The following XDH variants were observed in gnomAD, a reference collection of about 807,000 sequenced individuals.
XDH encodes the protein xanthine dehydrogenase.
Under a neutral mutation model 156.1 loss-of-function variants are expected in XDH, and 138 were observed. The ratio of observed to expected loss-of-function variants is 0.88; its 90% CI spans 0.77 to 1.02. XDH has a LOEUF of 1.02. XDH is among the 50% of genes least tolerant of loss of function. XDH has a pLI of 0.00. For synonymous variants in XDH, 669 were observed against 625.7 expected (o/e 1.07, Z -1.03); for missense variants, 1,849 against 1,684.9 (o/e 1.10, Z -1.71).
intron 4 of XDH, among the ~76,000 whole-genome samples, chr2:31,399,138 T>C (rs933552427): frequency 6.6e-6 from 1 of 152,154 alleles, no homozygotes; most frequent in Non-Finnish European, 1.5e-5. Flanking sequence ...TCTTGAGCAA[T>C]TGGGTGGATG....
intron 24 of XDH, among the ~76,000 whole-genome samples, chr2:31,353,062 G>A (rs184231966): frequency 2.8e-4 from 41 of 148,232 alleles, no homozygotes; most frequent in African/African-American, 9.7e-4. Context: ...CTATACATAC[G>A]TAACTACTAT....
At chr2:31,386,595 C>T (rs746733133) in intron 8 of XDH, 40 bp from the exon 9 acceptor site, 27 of 1,613,472 alleles carry the variant, frequency 1.7e-5, no homozygotes, top group Non-Finnish European at 1.7e-6. Flanking sequence ...TCTCCCTCTT[C>T]CTACTGTCAT....
At chr2:31,381,529 TG>T in intron 12 of XDH, 103 bp downstream of exon 12, 1 of 1,144,566 alleles carries the variant, frequency 8.7e-7, no homozygotes, top group Non-Finnish European at 1.3e-6. Context: ...CAGGGAAAGC[TG>T]GGTCACTGAA....
chr2:31,375,019 CTTTCTT>C lies in XDH; in HGVS notation c.1602+355_1602+360del, dbSNP rs1467817371. 9.6e-3 allele frequency among the ~76,000 whole-genome samples: 973 copies of C among 101,028 alleles called. 8 individuals carry two copies. Among genetic ancestry groups the C allele is most frequent in the African/African-American group, 0.046 (930 of 20,366 alleles). The allele number at this position is 101,028 out of a possible 152,430, so 66.3% of individuals were successfully genotyped here. A position where few individuals can be genotyped will look rare whatever the true frequency, so the allele number is the denominator to read the frequency against. On this transcript the variant is annotated intron_variant, in intron 15 of 35. Transcript: ENST00000379416. ...CCTTTCTTTCTTTCTTTCTTTCTTT[CTTTCTT>C]TTTTTTTTTTTTTTTTTGAGACAGA... is the stretch of plus-strand genomic sequence containing the variant.
intron 1 of XDH, among the ~76,000 whole-genome samples, chr2:31,408,321 A>C (rs768429900): frequency 2.6e-5 from 4 of 152,202 alleles, no homozygotes; most frequent in Non-Finnish European, 5.9e-5. Flanking sequence ...TCCAGCCACA[A>C]GTGGATTGCT....
rs1684935041 is a variant in XDH at position 31,334,922 on chromosome 2, T to C, written c.*1036A>G. ...TCTTGCTCAGTCGCTCAGGCAGGAGTGCAGTGGCGCAATCATAGCTCACTG... is the reference window on the plus strand; with the variant it reads ...TCTTGCTCAGTCGCTCAGGCAGGAGCGCAGTGGCGCAATCATAGCTCACTG... On this transcript the variant is annotated 3_prime_UTR_variant, in exon 36 of 36. Transcript: ENST00000379416. 1.3e-5 allele frequency: 2 copies of C among 152,082 alleles called. No individual in the cohort carries two copies. Among genetic ancestry groups the C allele is most frequent in the South Asian group, 2.1e-4 (1 of 4,816 alleles). The allele number at this position is 152,082 out of a possible 1,614,324, so 9.4% of individuals were successfully genotyped here.
intron 12 of XDH, among the ~76,000 whole-genome samples, chr2:31,380,426 T>C (rs1387724382): frequency 2.6e-5 from 4 of 152,170 alleles, no homozygotes; most frequent in African/African-American, 7.2e-5. Context: ...TGCGCCTAAA[T>C]TATCTGTACA....
At position 31,386,545 on chromosome 2, in the gene XDH, T is replaced by C. The variant is rs774465480; in HGVS notation, c.662A>G (p.Asp221Gly). The C allele has an allele frequency of 1.3e-5, 21 of 1,614,050 alleles. No individual in the cohort carries two copies. In the East Asian group the frequency reaches 4.7e-4, roughly 36 times the overall value. ...IFPPELLRLK[D>G]TPRKQLRFEG... ...AAATCGCAGCTGCTTCCGAGGAGTG[T>C]CTTTCAGCCTCTGGGAAATGCAGTT... is the stretch of plus-strand genomic sequence containing the variant. Residue 221 changes from aspartate to glycine, a missense_variant, in exon 9 of 36, where the codon GAC becomes GGC. Asp to Gly is a moderately conservative substitution (Grantham distance 94, BLOSUM62 -1). Transcript: ENST00000379416.
chr2:31,388,391 C>G (rs1400858595), intron 6 of XDH, 96 bp from the exon 7 acceptor site: 1 of 1,367,750 alleles, frequency 7.3e-7, no homozygotes. Context: ...CACTCCAGCT[C>G]TGACGCCTGT....
At chr2:31,411,166 C>T (rs1687331139) in intron 1 of XDH, among the ~76,000 whole-genome samples, 1 of 151,384 alleles carries the variant, frequency 6.6e-6, no homozygotes, top group African/African-American at 2.4e-5. Flanking sequence ...GCCTGTAATC[C>T]CAGCTACTCA....
chr2:31,336,077 C>T (rs1558670147), intron 35 of XDH, 69 bp from the exon 36 acceptor site: 2 of 1,517,188 alleles, frequency 1.3e-6, no homozygotes, highest in East Asian at 2.3e-5. Context: ...CTCTTGCATA[C>T]CTCACCTCCC....
chr2:31,372,404 T>C lies in XDH; in HGVS notation c.1687-7A>G. On this transcript the variant is annotated splice_polypyrimidine_tract_variant and splice_region_variant and intron_variant, in intron 16 of 35. Coordinates refer to ENST00000379416, the MANE Select transcript of XDH (RefSeq NM_000379.4). ...ACTGACCCTTGGGCACCTCCTGGAATGACAGGGTCATCAATCAGGGTGAGC... is the reference window on the plus strand; with the variant it reads ...ACTGACCCTTGGGCACCTCCTGGAACGACAGGGTCATCAATCAGGGTGAGC... 1 of 1,613,962 alleles carries C rather than the reference T, an allele frequency of 6.2e-7. No homozygotes were observed. Among genetic ancestry groups the C allele is most frequent in the Middle Eastern group, 1.7e-4 (1 of 6,060 alleles).
At chr2:31,391,824 A>C (rs796461989) in intron 6 of XDH, among the ~76,000 whole-genome samples, 43 of 152,210 alleles carry the variant, frequency 2.8e-4, no homozygotes, top group African/African-American at 1.0e-3. Flanking sequence ...TACATATGAA[A>C]GTGATTAACT....
At chr2:31,384,122 G>GTGTGTGTGTT in intron 9 of XDH, 1 of 365,322 alleles carries the variant, frequency 2.7e-6, no homozygotes, top group Non-Finnish European at 5.2e-6. Context: ...TCACTCTAGT[G>GTGTGTGTGTT]TGTGTGTGTG....
At chr2:31,411,051 G>A (rs936041194) in intron 1 of XDH, among the ~76,000 whole-genome samples, 3 of 152,100 alleles carry the variant, frequency 2.0e-5, no homozygotes, top group South Asian at 2.1e-4. Flanking sequence ...TTGGGAGGCC[G>A]AGGTGGGTGG....
intron 6 of XDH, among the ~76,000 whole-genome samples, chr2:31,390,642 T>A (rs1271938190): frequency 2.0e-5 from 3 of 152,226 alleles, no homozygotes; most frequent in Non-Finnish European, 4.4e-5. Context: ...GAATGAGAGT[T>A]CCTGTTGCCC....
chr2:31,348,959 T>C lies in XDH; in HGVS notation c.2991A>G (p.Arg997=). The change falls in exon 27 of 36, where the codon AGA becomes AGG. Residue 997 remains arginine (R), a synonymous_variant. Coordinates refer to ENST00000379416, the MANE Select transcript of XDH (RefSeq NM_000379.4). ...ACTTGGTGGGAATTATGCACAATCC[T>C]CTCTTTTTCCAACAATTCTCCCTAG... ...KFNKENCWKK[R]GLCIIPTKFG... 1 of 1,613,478 alleles carries C rather than the reference T, an allele frequency of 6.2e-7. No individual in the cohort carries two copies. Among genetic ancestry groups the C allele is most frequent in the Non-Finnish European group, 8.5e-7 (1 of 1,179,350 alleles).
At chr2:31,369,103 T>C (rs45512695) in intron 18 of XDH, among the ~76,000 whole-genome samples, 1 of 152,282 alleles carries the variant, frequency 6.6e-6, no homozygotes, top group East Asian at 1.9e-4. Context: ...CCCAGTTTTA[T>C]TTTCTTTTCA....
Position 31,335,980 on chromosome 2 carries a change from T to G in XDH, c.3980A>C (p.Lys1327Thr), listed in dbSNP as rs775464311. 2 of 1,614,200 alleles carry G rather than the reference T, an allele frequency of 1.2e-6. No individual in the cohort carries two copies. The highest frequency in any genetic ancestry group is 8.5e-7 in the Non-Finnish European group (1 of 1,180,024). ...TCTTTAGACCCTCACAGACCAGGGT[T>G]TGCAGTTTTCTGGGACACCAGTGAC... ...LCVTGVPENC[K>T]PWSVRV The change falls in exon 36 of 36, where the codon AAA (lysine) becomes ACA (threonine). Residue 1327 changes from lysine (K) to threonine (T), a missense_variant. Physicochemically the swap from Lys to Thr is moderately conservative, Grantham distance 78 (BLOSUM62 -1). Coordinates refer to ENST00000379416, the MANE Select transcript of XDH (RefSeq NM_000379.4).
Sources: gnomAD v4.1 joint callset for allele counts (sites outside exome capture counted in the v4.1 genomes callset) on GRCh38, gnomAD v4.1.1 for gene constraint, MANE v1.5 for transcripts, NCBI Gene and HGNC (gene_info 2026-07-23, HGNC 2026-07-21) for gene names.